Variants in CACNB2 observed in about 807,000 individuals in gnomAD.
CACNB2 encodes the protein calcium voltage-gated channel auxiliary subunit beta 2.
Under a neutral mutation model 73.3 loss-of-function variants are expected in CACNB2, and 42 were observed. The ratio of observed to expected loss-of-function variants is 0.57; its 90% confidence interval spans 0.45 to 0.74. The LOEUF is 0.74. Among genes scored for constraint, CACNB2 ranks in the 30% least tolerant of loss-of-function variants. CACNB2 has a pLI of 0.00. For missense variants in CACNB2, 940 were observed against 853.0 expected (o/e 1.10, Z -1.27); for synonymous variants, 348 against 310.3 (o/e 1.12, Z -1.28).
intron 2 of CACNB2, among the ~76,000 whole-genome samples, chr10:18,259,730 C>CA (rs1491201687): frequency 6.2e-5 from 7 of 112,564 alleles, no homozygotes; most frequent in African/African-American, 1.0e-4. Context: ...GACTCTGTCT[C>CA]AGAAAAAAAA....
chr10:18,495,633 A>T (rs983276908), intron 3 of CACNB2, among the ~76,000 whole-genome samples: 5 of 149,322 alleles, frequency 3.3e-5, no homozygotes, highest in Non-Finnish European at 7.4e-5. Context: ...GGCTGGTCTC[A>T]AACTCCTGGG....
chr10:18,437,165 T>C (rs887480642), intron 3 of CACNB2, among the ~76,000 whole-genome samples: 1 of 152,216 alleles, frequency 6.6e-6, no homozygotes, highest in African/African-American at 2.4e-5. Context: ...AAATACTGTT[T>C]CCAATTAGTT....
intron 1 of CACNB2, among the ~76,000 whole-genome samples, chr10:18,143,831 C>A (rs1247714182): frequency 6.6e-6 from 1 of 152,156 alleles, no homozygotes; most frequent in Non-Finnish European, 1.5e-5. Context: ...CAAATGGAAC[C>A]TCTAAAGCAA....
chr10:18,517,649 C>A (rs1054925159), intron 7 of CACNB2, among the ~76,000 whole-genome samples: 4 of 152,092 alleles, frequency 2.6e-5, no homozygotes, highest in Admixed American at 1.3e-4. Context: ...TAAACCTTAC[C>A]TTTGAAGTAC....
At chr10:18,537,239 T>A (rs572737840) in intron 12 of CACNB2, among the ~76,000 whole-genome samples, 1 of 152,020 alleles carries the variant, frequency 6.6e-6, no homozygotes, top group African/African-American at 2.4e-5. Context: ...CCATCCACCT[T>A]GGCCTCCCAA....
chr10:18,403,635 G>A (rs1319120525), intron 3 of CACNB2, among the ~76,000 whole-genome samples: 1 of 152,104 alleles, frequency 6.6e-6, no homozygotes, highest in African/African-American at 2.4e-5. Context: ...TGACATTGCT[G>A]CAAAGAACTT....
intron 2 of CACNB2, among the ~76,000 whole-genome samples, chr10:18,208,642 T>C (rs1314472631): frequency 6.6e-6 from 1 of 151,994 alleles, no homozygotes; most frequent in East Asian, 1.9e-4. Context: ...AAAGATTGTT[T>C]TAAAATGAAT....
intron 1 of CACNB2, among the ~76,000 whole-genome samples, chr10:18,150,289 G>C (rs1030638690): frequency 6.6e-6 from 1 of 152,116 alleles, no homozygotes; most frequent in Non-Finnish European, 1.5e-5. Flanking sequence ...ATCATTACAG[G>C]CTTTTGCCTC....
chr10:18,239,737 A>G (rs2036578195), intron 2 of CACNB2, among the ~76,000 whole-genome samples: 1 of 152,218 alleles, frequency 6.6e-6, no homozygotes, highest in African/African-American at 2.4e-5. Context: ...GTCAACTTTA[A>G]AAGTAGAGAA....
intron 2 of CACNB2, among the ~76,000 whole-genome samples, chr10:18,307,846 A>G (rs981569654): frequency 6.6e-6 from 1 of 152,066 alleles, no homozygotes; most frequent in African/African-American, 2.4e-5. Flanking sequence ...AATTAATTCA[A>G]ACATTTGCTT....
At chr10:18,336,620 CA>C (rs1564446930) in intron 2 of CACNB2, among the ~76,000 whole-genome samples, 1 of 102,492 alleles carries the variant, frequency 9.8e-6, no homozygotes, top group South Asian at 2.9e-4. Flanking sequence ...GACTCCATCT[CA>C]AAAAAAGAAA....
chr10:18,217,627 G>A (rs1185665835), intron 2 of CACNB2, among the ~76,000 whole-genome samples: 3 of 151,812 alleles, frequency 2.0e-5, no homozygotes, highest in African/African-American at 7.3e-5. Flanking sequence ...AGGTCAAGAT[G>A]GTCCTCACTG....
chr10:18,368,212 T>G lies in CACNB2; in HGVS notation c.214-33712T>G, dbSNP rs550527113. Among the ~76,000 whole-genome samples the G allele has an allele frequency of 2.0e-5, 3 of 152,300 alleles. No individual in the cohort carries two copies. The South Asian group carries it at 6.2e-4, about 32-fold the overall frequency. Reference sequence around the variant, plus strand: ...AATTCCATTCTGAGAGTTAAAAGTTTTCATTGTAAATTTCAAAATGGTCAT... The same window carrying G: ...AATTCCATTCTGAGAGTTAAAAGTTGTCATTGTAAATTTCAAAATGGTCAT... On this transcript the variant is annotated intron_variant, in intron 2 of 13. Transcript: ENST00000324631.
intron 2 of CACNB2, among the ~76,000 whole-genome samples, chr10:18,251,717 A>G (rs1243861949): frequency 1.3e-5 from 2 of 152,222 alleles, no homozygotes; most frequent in African/African-American, 4.8e-5. Flanking sequence ...AAAACTTATA[A>G]TCATGGCAGA....
chr10:18,235,019 T>A lies in CACNB2; in HGVS notation c.213+84044T>A, dbSNP rs2036379808. Among the ~76,000 whole-genome samples the A allele has an allele frequency of 2.0e-5, 3 of 151,722 alleles. No individual in the cohort carries two copies. The South Asian group carries it at 6.3e-4, about 32-fold the overall frequency. On this transcript the variant is annotated intron_variant, in intron 2 of 13. Coordinates refer to ENST00000324631, the MANE Select transcript of CACNB2 (RefSeq NM_201596.3). ...TTAGCCAGGTGTGGTGGCGGGCGCC[T>A]GTAGTCCCAGCTACTCAGGAGGCTG...
chr10:18,446,881 A>AC (rs2046759818), intron 3 of CACNB2, among the ~76,000 whole-genome samples: 1 of 152,122 alleles, frequency 6.6e-6, no homozygotes, highest in Non-Finnish European at 1.5e-5. Flanking sequence ...TTTGGGCAAT[A>AC]CAGTGAGACC....
At chr10:18,296,377 G>A (rs1430984792) in intron 2 of CACNB2, among the ~76,000 whole-genome samples, 2 of 152,018 alleles carry the variant, frequency 1.3e-5, no homozygotes, top group East Asian at 1.9e-4. Flanking sequence ...AAATCATAGT[G>A]TGTCTGGTGA....
At chr10:18,372,982 T>A (rs2042650931) in intron 2 of CACNB2, among the ~76,000 whole-genome samples, 1 of 152,108 alleles carries the variant, frequency 6.6e-6, no homozygotes, top group Non-Finnish European at 1.5e-5. Flanking sequence ...GCTTATTTTT[T>A]TTATTTTATT....
At chr10:18,142,312 C>CTT (rs2030498447) in intron 1 of CACNB2, among the ~76,000 whole-genome samples, 1 of 152,202 alleles carries the variant, frequency 6.6e-6, no homozygotes, top group Non-Finnish European at 1.5e-5. Context: ...AGATTTTGGT[C>CTT]CACCCTGGGC....
Sources: gnomAD v4.1 joint callset for allele counts (sites outside exome capture counted in the v4.1 genomes callset) on GRCh38, gnomAD v4.1.1 for gene constraint, MANE v1.5 for transcripts, NCBI Gene and HGNC (gene_info 2026-07-23, HGNC 2026-07-21) for gene names.